ATOSB: variants seen among roughly 807,000 people sequenced by gnomAD.
The protein encoded by ATOSB is atos homolog protein B.
the ATOSB span, chr9:35,104,598 C>A: frequency 2.4e-6 from 1 of 418,766 alleles, no homozygotes; most frequent in Non-Finnish European, 5.0e-6. Flanking sequence ...CACACATACG[C>A]ATAACTTGGC....
At chr9:35,112,379 C>T in the ATOSB span, 1 of 152,192 alleles carries the variant, frequency 6.6e-6, no homozygotes, top group African/African-American at 2.4e-5. Context: ...GATAGGAGAG[C>T]TTCTGCCCAG....
chr9:35,108,411 T>C, the ATOSB span: 1 of 1,408,852 alleles, frequency 7.1e-7, no homozygotes, highest in Non-Finnish European at 9.2e-7. Context: ...TCCTTCCAGC[T>C]GAGTTTCAGA....
At chr9:35,105,949 C>T in the ATOSB span, 8 of 1,613,996 alleles carry the variant, frequency 5.0e-6, no homozygotes, top group East Asian at 2.2e-5. The surrounding 1 kb of genome is among the most constrained non-coding windows in gnomAD (Gnocchi z 5.5). Flanking sequence ...ACCACTTGGA[C>T]GGTGCCCACC....
chr9:35,111,890 C>T, the ATOSB span, among the ~76,000 whole-genome samples: 3 of 152,206 alleles, frequency 2.0e-5, no homozygotes, highest in African/African-American at 7.2e-5. Flanking sequence ...CCTTCCACAT[C>T]TTACCCCTCC....
chr9:35,106,509 C>G, the ATOSB span: 1 of 1,593,260 alleles, frequency 6.3e-7, no homozygotes, highest in East Asian at 2.3e-5. This position sits in a 1 kb window ranked among gnomAD's most constrained non-coding sequence, Gnocchi z 4.6. Flanking sequence ...CCCAGGACCC[C>G]GGCAATCACA....
the ATOSB span, chr9:35,110,069 T>C: frequency 6.6e-6 from 1 of 151,788 alleles, no homozygotes; most frequent in African/African-American, 2.4e-5. Flanking sequence ...AAAGGAGAGA[T>C]TTGTACCCAG....
chr9:35,109,418 G>A, the ATOSB span: 4 of 152,450 alleles, frequency 2.6e-5, no homozygotes, highest in Admixed American at 2.6e-4. Context: ...GGCCGCAGCA[G>A]TCAGTCAGCT....
At chr9:35,108,492 C>T in the ATOSB span, 2 of 1,294,270 alleles carry the variant, frequency 1.5e-6, no homozygotes, top group Non-Finnish European at 1.0e-6. Context: ...CCTGGATGGA[C>T]TAATGGAATA....
chr9:35,106,845 C>G, the ATOSB span: 1 of 1,570,852 alleles, frequency 6.4e-7, no homozygotes, highest in South Asian at 1.2e-5. This position sits in a 1 kb window ranked among gnomAD's most constrained non-coding sequence, Gnocchi z 4.6. Flanking sequence ...CTTCAGGCGA[C>G]GGGCTCCTTT....
At chr9:35,115,049 G>A in the ATOSB span, among the ~76,000 whole-genome samples, 7 of 152,142 alleles carry the variant, frequency 4.6e-5, no homozygotes, top group East Asian at 1.4e-3. Flanking sequence ...GCAGGGCGGG[G>A]GAGGGGGGAG....
the ATOSB span, chr9:35,108,239 T>C: frequency 6.3e-7 from 1 of 1,575,044 alleles, no homozygotes; most frequent in East Asian, 2.3e-5. Context: ...CCTCCGGCTC[T>C]GAGGATGGAG....
chr9:35,115,471 G>C, the ATOSB span, among the ~76,000 whole-genome samples: 1 of 151,720 alleles, frequency 6.6e-6, no homozygotes, highest in African/African-American at 2.4e-5. Context: ...GATAGTGCCC[G>C]CAGACCCTCC....
the ATOSB span, chr9:35,107,750 TG>T: frequency 6.4e-7 from 1 of 1,574,312 alleles, no homozygotes; most frequent in Non-Finnish European, 8.6e-7. Context: ...GGGCTGGCCC[TG>T]GGGACTCCCC....
the ATOSB span, chr9:35,105,738 AC>A: frequency 6.2e-7 from 1 of 1,613,808 alleles, no homozygotes; most frequent in Non-Finnish European, 8.5e-7. This position sits in a 1 kb window ranked among gnomAD's most constrained non-coding sequence, Gnocchi z 5.5. Flanking sequence ...TTCCCTCCTC[AC>A]CCACAGGCAC....
At chr9:35,115,303 T>C in the ATOSB span, among the ~76,000 whole-genome samples, 2 of 152,022 alleles carry the variant, frequency 1.3e-5, no homozygotes, top group East Asian at 3.9e-4. Flanking sequence ...GTGCAATAGA[T>C]TGGCCTCTTC....
the ATOSB span, among the ~76,000 whole-genome samples, chr9:35,114,777 C>T: frequency 1.3e-5 from 2 of 152,176 alleles, no homozygotes; most frequent in Admixed American, 6.5e-5. Context: ...GAAGCCCTAG[C>T]GTTCCCTACC....
the ATOSB span, chr9:35,105,497 G>C: frequency 7.9e-7 from 1 of 1,257,918 alleles, no homozygotes. This position sits in a 1 kb window ranked among gnomAD's most constrained non-coding sequence, Gnocchi z 5.5. Context: ...TTGGAGACCA[G>C]CCTAAGCAAC....
At chr9:35,106,196 C>G in the ATOSB span, 40 of 1,606,494 alleles carry the variant, frequency 2.5e-5, no homozygotes, top group Non-Finnish European at 3.2e-5. The surrounding 1 kb of genome is among the most constrained non-coding windows in gnomAD (Gnocchi z 4.6). Flanking sequence ...CCTGGCCCCG[C>G]CCCCAAATCC....
chr9:35,106,266 G>A, the ATOSB span: 2 of 1,613,742 alleles, frequency 1.2e-6, no homozygotes, highest in East Asian at 2.2e-5. The surrounding 1 kb of genome is among the most constrained non-coding windows in gnomAD (Gnocchi z 4.6). Context: ...AAGGGAGCCG[G>A]GGCATTTTGC....
Sources: gnomAD v4.1 joint callset for allele counts (sites outside exome capture counted in the v4.1 genomes callset) on GRCh38, gnomAD v4.1.1 for gene constraint, Gnocchi (gnomAD v3.1) non-coding constraint, MANE v1.5 for transcripts, NCBI Gene and HGNC (gene_info 2026-07-23, HGNC 2026-07-21) for gene names.